ESRRB: variants seen among roughly 807,000 people sequenced by gnomAD.
The protein encoded by ESRRB is steroid hormone receptor ERR2.
Under a neutral mutation model 46.0 loss-of-function variants are expected in ESRRB, and 16 were observed. The observed-to-expected ratio is 0.35, with a 90% CI of 0.24 to 0.53. The LOEUF (loss-of-function observed/expected upper bound fraction) is 0.53. Ranked by LOEUF, ESRRB falls within the 20% of genes least tolerant of loss-of-function variation. ESRRB has a pLI of 0.93. For missense variants in ESRRB, 488 were observed against 607.4 expected, an observed-to-expected ratio of 0.80 and a Z score of 2.07; for synonymous variants, 246 against 259.6, an observed-to-expected ratio of 0.95 and a Z score of 0.50.
chr14:76,373,804 G>A (rs1884679097), upstream of ESRRB, among the ~76,000 whole-genome samples: 1 of 152,148 alleles, frequency 6.6e-6, no homozygotes, highest in Admixed American at 6.5e-5. Context: ...ATAAGGCTCT[G>A]GTTCACCTTC....
chr14:76,392,705 A>T (rs1885516787), intron 1 of ESRRB, among the ~76,000 whole-genome samples: 1 of 152,358 alleles, frequency 6.6e-6, no homozygotes, highest in South Asian at 2.1e-4. Flanking sequence ...TGAGACAGGC[A>T]TGTGGCTCGG....
intron 1 of ESRRB, among the ~76,000 whole-genome samples, chr14:76,325,171 G>A (rs929244969): frequency 6.6e-6 from 1 of 151,984 alleles, no homozygotes; most frequent in African/African-American, 2.4e-5. Flanking sequence ...CACCATGTTG[G>A]TGGAGGTCTC....
intron 1 of ESRRB, among the ~76,000 whole-genome samples, chr14:76,338,128 C>T (rs969449647): frequency 6.6e-5 from 10 of 152,240 alleles, no homozygotes; most frequent in African/African-American, 2.2e-4. Context: ...GCCCTACTCT[C>T]CGAATGAAAC....
chr14:76,420,206 T>C (rs1886882318), intron 1 of ESRRB, among the ~76,000 whole-genome samples: 1 of 152,020 alleles, frequency 6.6e-6, no homozygotes, highest in South Asian at 2.1e-4. Flanking sequence ...GGACCAATGG[T>C]CCAGCTTCCT....
At chr14:76,344,205 C>T (rs1437114196) in intron 1 of ESRRB, among the ~76,000 whole-genome samples, 1 of 152,174 alleles carries the variant, frequency 6.6e-6, no homozygotes, top group Non-Finnish European at 1.5e-5. Context: ...TAGAATAATG[C>T]CTGGCATGTG....
Position 76,376,487 on chromosome 14 carries a change from GCC to G in ESRRB, c.50+38_50+39del. Reference sequence around the variant, plus strand: ...TGCTTCTCGGTCTGTCTGTCCTTCTGCCCGTCTGGCAGTCTCTGTCCTGGGGA... The same window carrying G: ...TGCTTCTCGGTCTGTCTGTCCTTCTGCGTCTGGCAGTCTCTGTCCTGGGGA... On this transcript the variant is annotated intron_variant, in intron 1 of 6. Coordinates refer to ENST00000644823, the MANE Select transcript of ESRRB (RefSeq NM_001379180.1). The surrounding 1 kb of genome is among the most constrained non-coding windows in gnomAD (Gnocchi z 4.1). 8.2e-7 allele frequency: 1 copy of G among 1,224,050 alleles called. No homozygotes were observed. Among genetic ancestry groups the G allele is most frequent in the Non-Finnish European group, 1.0e-6 (1 of 981,018 alleles). 75.8% of individuals were successfully genotyped at this position (1,224,050 alleles called of 1,614,324 possible).
intron 5 of ESRRB, among the ~76,000 whole-genome samples, chr14:76,483,208 C>T (rs965443302): frequency 6.6e-6 from 1 of 152,184 alleles, no homozygotes; most frequent in Non-Finnish European, 1.5e-5. Context: ...ATCGGGATTC[C>T]AATTCTGGGT....
At chr14:76,463,165 C>A in intron 3 of ESRRB, 1 of 216,986 alleles carries the variant, frequency 4.6e-6, no homozygotes, top group Non-Finnish European at 9.3e-6. Context: ...CTCTTCCCAT[C>A]CTCTCCCTTC....
At chr14:76,424,805 T>C (rs759233633) in intron 1 of ESRRB, among the ~76,000 whole-genome samples, 20 of 152,148 alleles carry the variant, frequency 1.3e-4, no homozygotes, top group African/African-American at 2.4e-4. Flanking sequence ...GGCACAATCT[T>C]GGCTCACTGC....
chr14:76,388,978 CAA>C (rs1167866566), intron 1 of ESRRB, among the ~76,000 whole-genome samples: 12 of 152,164 alleles, frequency 7.9e-5, no homozygotes, highest in African/African-American at 2.9e-4. Flanking sequence ...CGTGCAAAAT[CAA>C]AGACAGCATC....
intron 1 of ESRRB, among the ~76,000 whole-genome samples, chr14:76,335,355 C>G (rs1213015882): frequency 6.6e-6 from 1 of 152,186 alleles, no homozygotes; most frequent in Non-Finnish European, 1.5e-5. Flanking sequence ...CTGGCTGGCT[C>G]AGTCTGGTGG....
In ESRRB at chr14:76,312,872, G is replaced by A. The variant is rs1011266794; in HGVS notation, c.2+1956G>A. 9.2e-5 allele frequency among the ~76,000 whole-genome samples: 14 copies of A among 152,042 alleles called. 1 individual carries two copies. Among genetic ancestry groups the A allele is most frequent in the Admixed American group, 7.9e-4 (12 of 15,250 alleles). ...TCAATGGCTTTTGAGAAAAAATGTG[G>A]CTTTTAAAAATGCCTTTTAGTACAA... On this transcript the variant is annotated intron_variant, in intron 1 of 6. Coordinates refer to the ESRRB transcript ENST00000512784.
chr14:76,424,462 G>A (rs1191818598), intron 1 of ESRRB, among the ~76,000 whole-genome samples: 1 of 152,130 alleles, frequency 6.6e-6, no homozygotes, highest in Non-Finnish European at 1.5e-5. Flanking sequence ...AAGGGCCATG[G>A]CCATGACCAG....
chr14:76,365,673 G>A (rs1031948630), intron 1 of ESRRB, among the ~76,000 whole-genome samples: 1 of 152,174 alleles, frequency 6.6e-6, no homozygotes, highest in Non-Finnish European at 1.5e-5. Context: ...CAGGTGGAAT[G>A]CAATTTGTAT....
chr14:76,496,693 C>G (rs1054965682), intron 6 of ESRRB, among the ~76,000 whole-genome samples: 13 of 152,196 alleles, frequency 8.5e-5, no homozygotes, highest in African/African-American at 2.4e-4. Context: ...GTCCTAGCAG[C>G]AGCCCTCAGG....
At chr14:76,443,236 T>C (rs1272265469) in intron 2 of ESRRB, among the ~76,000 whole-genome samples, 1 of 152,236 alleles carries the variant, frequency 6.6e-6, no homozygotes, top group African/African-American at 2.4e-5. Flanking sequence ...TTTTCTTAAC[T>C]ATCCCAGAAG....
At chr14:76,398,314 A>T (rs1885786662) in intron 1 of ESRRB, among the ~76,000 whole-genome samples, 1 of 152,210 alleles carries the variant, frequency 6.6e-6, no homozygotes, top group Admixed American at 6.5e-5. Context: ...CACAAGGCAA[A>T]GCTGGCATTT....
At chr14:76,413,743 A>G (rs1886538017) in intron 1 of ESRRB, among the ~76,000 whole-genome samples, 1 of 152,104 alleles carries the variant, frequency 6.6e-6, no homozygotes, top group Admixed American at 6.5e-5. Flanking sequence ...AGTAAATGAA[A>G]TAAGTAAGCG....
At chr14:76,386,973 G>T (rs558148880) in intron 1 of ESRRB, among the ~76,000 whole-genome samples, 1 of 152,150 alleles carries the variant, frequency 6.6e-6, no homozygotes, top group Non-Finnish European at 1.5e-5. Flanking sequence ...TGGGGTGCTG[G>T]ACTGCCAGAA....
Sources: allele counts gnomAD v4.1 joint callset (sites outside exome capture counted in the v4.1 genomes callset), GRCh38; gene constraint gnomAD v4.1.1; non-coding constraint Gnocchi (gnomAD v3.1); transcripts MANE v1.5; gene names NCBI Gene and HGNC (gene_info 2026-07-23, HGNC 2026-07-21).